The following SP100 variants were observed in gnomAD, a reference collection of about 807,000 sequenced individuals.
The protein encoded by SP100 is SP100 nuclear body protein, also known as nuclear autoantigen Sp-100.
In SP100, 84 loss-of-function variants were observed where a neutral mutation model predicts 130.0. That is an observed-to-expected ratio of 0.65 (90% CI 0.54 to 0.77). SP100 has a LOEUF of 0.77. SP100 is among the 30% of genes least tolerant of loss of function. SP100 has a pLI of 0.00. For synonymous variants in SP100, 331 were observed against 351.7 expected, an observed-to-expected ratio of 0.94 and a Z score of 0.66; for missense variants, 978 against 1,052.2, an observed-to-expected ratio of 0.93 and a Z score of 0.97.
At chr2:230,433,971 A>G (rs2063173315) in intron 2 of SP100, among the ~76,000 whole-genome samples, 2 of 150,446 alleles carry the variant, frequency 1.3e-5, no homozygotes, top group Admixed American at 6.6e-5. Flanking sequence ...TGTTTACTGT[A>G]TTATTTCTTT....
intron 21 of SP100, among the ~76,000 whole-genome samples, chr2:230,506,046 C>T (rs367740895): frequency 2.0e-5 from 3 of 151,322 alleles, no homozygotes; most frequent in Admixed American, 6.6e-5. Context: ...TAGCAAAATA[C>T]GTTGAAAAGG....
Position 230,416,368 on chromosome 2 carries a change from C to G in SP100, c.32+40C>G, listed in dbSNP as rs1053106413. 3 of 1,582,132 alleles carry G rather than the reference C, an allele frequency of 1.9e-6. No individual in the cohort carries two copies. The African/African-American group carries it at 4.0e-5, about 21-fold the overall frequency. ...CCCTTCCTTTAACCTTTATCTCTGG[C>G]TATATTGCAGCTTTCATGCCTTTAG... is the stretch of plus-strand genomic sequence containing the variant. On this transcript the variant is annotated intron_variant, in intron 1 of 28. Coordinates refer to ENST00000340126, the MANE Select transcript of SP100 (RefSeq NM_001080391.2).
chr2:230,418,017 A>C (rs1364583095), intron 2 of SP100, among the ~76,000 whole-genome samples: 12 of 151,800 alleles, frequency 7.9e-5, no homozygotes, highest in Admixed American at 7.9e-4. Flanking sequence ...CTCTGTGAGC[A>C]CTCTTAGTTT....
In SP100 at chr2:230,438,648, T is replaced by TATATACACACACACAC. The variant is rs1246055755; in HGVS notation, c.108-4288_108-4287insTATACACACACACACA. The stretch of plus-strand genomic sequence containing the variant: ...AGTAGTACTCCATGGTGTATATATA[T>TATATACACACACACAC]ACACACACACACACACACACACACA... On this transcript the variant is annotated intron_variant, in intron 2 of 28. Transcript: ENST00000340126. 2.4e-3 allele frequency among the ~76,000 whole-genome samples: 310 copies of TATATACACACACACAC among 127,462 alleles called. 1 individual carries two copies. The highest frequency in any genetic ancestry group is 7.0e-3 in the African/African-American group (236 of 33,584). The allele number at this position is 127,462 out of a possible 152,430, so 83.6% of individuals were successfully genotyped here.
In SP100 at chr2:230,462,016, T is replaced by TA. The variant is rs544382011; in HGVS notation, c.974-409dup. On this transcript the variant is annotated intron_variant, in intron 9 of 28. Transcript: ENST00000340126. ...AGAGAGGAAGGCATGGGAGAGGAGTTAAAAAAAAAATCAGAGAGCCAAGAT... is the reference window on the plus strand; with the variant it reads ...AGAGAGGAAGGCATGGGAGAGGAGTTAAAAAAAAAAATCAGAGAGCCAAGAT... 7.2e-3 allele frequency among the ~76,000 whole-genome samples: 1,014 copies of TA among 140,630 alleles called. 7 individuals carry two copies. Among genetic ancestry groups the TA allele is most frequent in the Non-Finnish European group, 0.011 (690 of 63,384 alleles). 92.3% of individuals were successfully genotyped at this position (140,630 alleles called of 152,430 possible).
chr2:230,541,836 T>C, intron 27 of SP100, 56 bp from the exon 28 acceptor site: 1 of 1,567,500 alleles, frequency 6.4e-7, no homozygotes, highest in South Asian at 1.2e-5. Context: ...TATTCCATAA[T>C]AGTGGGAGTC....
chr2:230,478,428 T>C (rs2065673167), intron 17 of SP100, among the ~76,000 whole-genome samples: 1 of 152,214 alleles, frequency 6.6e-6, no homozygotes, highest in Non-Finnish European at 1.5e-5. Flanking sequence ...CCTCTTCAAA[T>C]AGCTCTCCTA....
Position 230,539,319 on chromosome 2 carries a change from G to T in SP100, c.2147G>T (p.Cys716Phe). 1 of 1,614,016 alleles carries T rather than the reference G, an allele frequency of 6.2e-7. No homozygotes were observed. Among genetic ancestry groups the T allele is most frequent in the Non-Finnish European group, 8.5e-7 (1 of 1,179,898 alleles). The change falls in exon 25 of 29, where the codon TGC becomes TTC. Residue 716 changes from cysteine to phenylalanine, a missense_variant. Cys to Phe is a radical substitution (Grantham distance 205, BLOSUM62 -2). Coordinates refer to ENST00000340126, the MANE Select transcript of SP100 (RefSeq NM_001080391.2). ...TGCAACAAATGGGGACGGCTGTTCT[G>T]CTGCGACACTTGTCCAAGATCCTTT... ...EVCNKWGRLF[C>F]CDTCPRSFHE...
chr2:230,439,986 T>C (rs2063419280), intron 2 of SP100, among the ~76,000 whole-genome samples: 1 of 152,136 alleles, frequency 6.6e-6, no homozygotes, highest in African/African-American at 2.4e-5. Flanking sequence ...AGTAGTTATT[T>C]TCAAATCTTT....
chr2:230,541,794 G>C, intron 27 of SP100, 98 bp from the exon 28 acceptor site: 5 of 1,331,152 alleles, frequency 3.8e-6, no homozygotes, highest in Non-Finnish European at 5.2e-6. Flanking sequence ...TTAGGATTTT[G>C]ACCTATGGAT....
In SP100 at chr2:230,544,761, A is replaced by G. The variant is rs1242629107; in HGVS notation, c.*1815A>G. Among the ~76,000 whole-genome samples the G allele has an allele frequency of 2.0e-5, 3 of 152,236 alleles. No homozygotes were observed. Among genetic ancestry groups the G allele is most frequent in the Non-Finnish European group, 4.4e-5 (3 of 68,040 alleles). ...CTCCCAAAGTGCTGGGATTACAGGC[A>G]TCAGCCACCATGCCCGGATGAAAAG... On this transcript the variant is annotated 3_prime_UTR_variant, in exon 29 of 29. Transcript: ENST00000340126.
chr2:230,457,980 A>G (rs2064370887), intron 8 of SP100, among the ~76,000 whole-genome samples: 1 of 152,240 alleles, frequency 6.6e-6, no homozygotes, highest in Non-Finnish European at 1.5e-5. Flanking sequence ...ATGGAAGGGA[A>G]AAAGAGAGTG....
rs145071708 is a variant in SP100, at chr2:230,432,131, C to T, written c.108-10806C>T. On this transcript the variant is annotated intron_variant, in intron 2 of 28. Transcript: ENST00000340126. ...TTCCTGGCCATTTCATGTAAATGGA[C>T]CATATATTATACGGTCTTTTACATC... is the stretch of plus-strand genomic sequence containing the variant. Among the ~76,000 whole-genome samples the T allele has an allele frequency of 2.4e-3, 369 of 152,238 alleles. 2 individuals carry two copies. The highest frequency in any genetic ancestry group is 8.6e-3 in the African/African-American group (359 of 41,542).
At chr2:230,479,258 G>T (rs1264243830) in intron 17 of SP100, among the ~76,000 whole-genome samples, 1 of 152,162 alleles carries the variant, frequency 6.6e-6, no homozygotes. Flanking sequence ...AGTTAGTTCA[G>T]TATTTAGGTG....
intron 2 of SP100, among the ~76,000 whole-genome samples, chr2:230,418,070 G>T (rs888359187): frequency 6.6e-6 from 1 of 152,082 alleles, no homozygotes; most frequent in Admixed American, 6.5e-5. Context: ...CGCTGCTACC[G>T]CTATTCCAGG....
At chr2:230,484,732 A>G (rs1219394930) in intron 17 of SP100, among the ~76,000 whole-genome samples, 2 of 152,178 alleles carry the variant, frequency 1.3e-5, no homozygotes, top group East Asian at 1.9e-4. Context: ...ACTCATTTCT[A>G]TATCTTAATT....
chr2:230,498,445 T>C lies in SP100; in HGVS notation c.1646-16T>C. On this transcript the variant is annotated splice_polypyrimidine_tract_variant and intron_variant, in intron 18 of 28. Transcript: ENST00000340126. ...TTTTTTACACCATCCATATTTATAT[T>C]TTCCTATTTTCTCAGGGAGAAAGAA... The C allele has an allele frequency of 6.9e-7, 1 of 1,444,418 alleles. No individual in the cohort carries two copies. The highest frequency in any genetic ancestry group is 9.3e-7 in the Non-Finnish European group (1 of 1,077,142). 89.5% of individuals were successfully genotyped at this position (1,444,418 alleles called of 1,614,324 possible).
At chr2:230,509,498 G>C (rs1690411757) in intron 23 of SP100, 1 of 152,222 alleles carries the variant, frequency 6.6e-6, no homozygotes, top group African/African-American at 2.4e-5. Flanking sequence ...CTGCCAGACA[G>C]TCAAGGCTGA....
At chr2:230,529,749 A>T (rs1691607401) in intron 24 of SP100, among the ~76,000 whole-genome samples, 1 of 152,200 alleles carries the variant, frequency 6.6e-6, no homozygotes, top group Non-Finnish European at 1.5e-5. Context: ...TACAAAATCA[A>T]TGTGCAAAAA....
Sources: gnomAD v4.1 joint callset for allele counts (sites outside exome capture counted in the v4.1 genomes callset) on GRCh38, gnomAD v4.1.1 for gene constraint, MANE v1.5 for transcripts, NCBI Gene and HGNC (gene_info 2026-07-23, HGNC 2026-07-21) for gene names.